CLIP2: variants seen among roughly 807,000 people sequenced by gnomAD.
CLIP2 encodes CAP-Gly domain-containing linker protein 2.
CLIP2 carries 41 observed loss-of-function variants against 111.7 expected under a neutral mutation model. That is an observed-to-expected ratio of 0.37 (90% confidence interval 0.29 to 0.48). CLIP2 has a LOEUF of 0.48. CLIP2 is among the 20% of genes least tolerant of loss of function. CLIP2 has a pLI of 0.99. For missense variants in CLIP2, 1,160 were observed against 1,422.1 expected (o/e 0.82, Z 2.96); for synonymous variants, 660 against 644.2 (o/e 1.02, Z -0.37).
intron 1 of CLIP2, among the ~76,000 whole-genome samples, chr7:74,309,177 C>T (rs1332242286): frequency 1.3e-5 from 2 of 151,216 alleles, no homozygotes; most frequent in Admixed American, 1.3e-4. Context: ...CCTCTCCCAT[C>T]TTAAGTGTAT....
intron 7 of CLIP2, among the ~76,000 whole-genome samples, chr7:74,361,208 C>CTT (rs1554309707): frequency 1.4e-3 from 191 of 132,348 alleles, no homozygotes; most frequent in African/African-American, 3.9e-3. Context: ...TCCTTCCTTC[C>CTT]CTCCCTCCCT....
chr7:74,346,930 T>C (rs928386692), intron 3 of CLIP2, among the ~76,000 whole-genome samples: 5 of 151,904 alleles, frequency 3.3e-5, no homozygotes, highest in Middle Eastern at 3.4e-3. Context: ...TCCCAACTAC[T>C]CAGGAGGCTG....
At chr7:74,383,071 C>A (rs1304744487) in intron 11 of CLIP2, among the ~76,000 whole-genome samples, 1 of 146,732 alleles carries the variant, frequency 6.8e-6, no homozygotes, top group Non-Finnish European at 1.5e-5. Flanking sequence ...TAGAGTGAGA[C>A]CCTGTCACCA....
Position 74,338,558 on chromosome 7 carries a change from G to C in CLIP2, c.232G>C (p.Asp78His). 1 of 1,590,950 alleles carries C rather than the reference G, an allele frequency of 6.3e-7. No individual in the cohort carries two copies. Among genetic ancestry groups the C allele is most frequent in the Non-Finnish European group, 8.5e-7 (1 of 1,169,900 alleles). ...GGAAGTGGGGGATGACTTCCTGGGG[G>C]ACTTTGTGGTGGGCGAGCGGGTGTG... ...AAEVGDDFLG[D>H]FVVGERVWVN... The change falls in exon 3 of 17, where the codon GAC becomes CAC. Residue 78 changes from aspartate (D) to histidine (H), a missense_variant. Transcript: ENST00000223398. This position sits in a 1 kb window ranked among gnomAD's most constrained non-coding sequence, Gnocchi z 4.3.
rs34044824 is a variant in CLIP2, at chr7:74,334,823, CAA to C, written c.122-3610_122-3609del. On this transcript the variant is annotated intron_variant, in intron 2 of 16. Transcript: ENST00000223398. ...GCAAAACCCCGTCTCTAATAAAATA[CAA>C]AAAAAAAAAAAAAATAGCCTGGTGT... Among the ~76,000 whole-genome samples the C allele has an allele frequency of 2.4e-3, 325 of 133,046 alleles. 1 individual carries two copies. Among genetic ancestry groups the C allele is most frequent in the African/African-American group, 8.9e-3 (304 of 34,134 alleles). The allele number at this position is 133,046 out of a possible 152,430, so 87.3% of individuals were successfully genotyped here. A position where few individuals can be genotyped will look rare whatever the true frequency, so the allele number is the denominator to read the frequency against.
Position 74,386,900 on chromosome 7 carries a change from G to A in CLIP2, c.2563+296G>A, listed in dbSNP as rs1017765592. On this transcript the variant is annotated intron_variant, in intron 12 of 16. Transcript: ENST00000223398. ...TAGCCGGGCATGGTGGCATGCACCTGTAATCCCAGCTACTCGGGAGGCTGA... is the reference window on the plus strand; with the variant it reads ...TAGCCGGGCATGGTGGCATGCACCTATAATCCCAGCTACTCGGGAGGCTGA... Among the ~76,000 whole-genome samples, 3 of 151,922 alleles carry A rather than the reference G, an allele frequency of 2.0e-5. No homozygotes were observed. In the East Asian group the frequency reaches 5.9e-4, roughly 30 times the overall value.
intron 3 of CLIP2, among the ~76,000 whole-genome samples, chr7:74,347,490 G>C (rs932655224): frequency 1.3e-5 from 2 of 152,064 alleles, no homozygotes; most frequent in Admixed American, 6.6e-5. Flanking sequence ...GGCTGGTCTC[G>C]ATCTCCTGAC....
intron 2 of CLIP2, among the ~76,000 whole-genome samples, chr7:74,322,666 C>T: frequency 6.6e-6 from 1 of 152,050 alleles, no homozygotes; most frequent in Non-Finnish European, 1.5e-5. Context: ...CCTTGACCTC[C>T]CAAAATTCTG....
At chr7:74,381,761 A>G (rs1289050059) in intron 11 of CLIP2, 2 of 338,562 alleles carry the variant, frequency 5.9e-6, no homozygotes, top group East Asian at 1.8e-4. Context: ...GGTACAGAAT[A>G]TTCCATTGTG....
In CLIP2 at chr7:74,338,733, A is replaced by G. The variant is rs1372021875; in HGVS notation, c.407A>G (p.Gln136Arg). Reference sequence around the variant, plus strand: ...CGCTACTTCGAGTGCCCGGCCCTCCAGGGTATCTTCACGCGGCCCTCCAAG... The same window carrying G: ...CGCTACTTCGAGTGCCCGGCCCTCCGGGGTATCTTCACGCGGCCCTCCAAG... ...GVRYFECPALQGIFTRPSKLT... is the reference protein window; with the variant it reads ...GVRYFECPALRGIFTRPSKLT... The change falls in exon 3 of 17, where the codon CAG becomes CGG. Residue 136 changes from glutamine (Q) to arginine (R), a missense_variant. Gln to Arg is a conservative substitution (Grantham distance 43). Around this residue, in one of 5 missense-constraint regions of CLIP2, gnomAD observed 301 missense variants for 315.2 expected, o/e 0.96. Coordinates refer to ENST00000223398, the MANE Select transcript of CLIP2 (RefSeq NM_003388.5). The surrounding 1 kb of genome is among the most constrained non-coding windows in gnomAD (Gnocchi z 4.3). The G allele has an allele frequency of 1.9e-6, 3 of 1,596,846 alleles. No individual in the cohort carries two copies. The highest frequency in any genetic ancestry group is 2.3e-5 in the East Asian group (1 of 44,084).
intron 6 of CLIP2, 87 bp from the exon 7 acceptor site, chr7:74,360,088 T>C: frequency 9.0e-7 from 1 of 1,109,170 alleles, no homozygotes; most frequent in Admixed American, 2.2e-5. Context: ...CAGGCCCTGC[T>C]CCTTGCCTGT....
At chr7:74,354,784 AAAT>A (rs1790102177) in intron 4 of CLIP2, among the ~76,000 whole-genome samples, 3 of 145,408 alleles carry the variant, frequency 2.1e-5, no homozygotes, top group Non-Finnish European at 4.4e-5. Context: ...AAATAATAAA[AAAT>A]AAATAAATAA....
rs190755936 is a variant in CLIP2 at position 74,363,618 on chromosome 7, C to T, written c.1320-637C>T. Among the ~76,000 whole-genome samples, 36 of 152,320 alleles carry T rather than the reference C, an allele frequency of 2.4e-4. No individual in the cohort carries two copies. The East Asian group carries it at 6.2e-3, about 26-fold the overall frequency. ...CAGTGTTGTCAGCTGGGCGCGGAGGCTCACGCCTGTAATCCCAGCACTTTG... is the reference window on the plus strand; with the variant it reads ...CAGTGTTGTCAGCTGGGCGCGGAGGTTCACGCCTGTAATCCCAGCACTTTG... On this transcript the variant is annotated intron_variant, in intron 7 of 16. Transcript: ENST00000223398.
At chr7:74,296,024 A>G (rs1554726062) in intron 1 of CLIP2, among the ~76,000 whole-genome samples, 3 of 150,452 alleles carry the variant, frequency 2.0e-5, no homozygotes. Flanking sequence ...TTTTATAGAG[A>G]TAATCAAGTT....
intron 14 of CLIP2, among the ~76,000 whole-genome samples, chr7:74,398,021 G>A (rs1177972280): frequency 3.3e-5 from 5 of 151,658 alleles, no homozygotes; most frequent in South Asian, 4.2e-4. Context: ...CTGCAGAGAC[G>A]GGTTGGGGTA....
chr7:74,386,265 C>T (rs868913503), intron 11 of CLIP2: 9 of 318,796 alleles, frequency 2.8e-5, no homozygotes, highest in South Asian at 6.3e-5. Flanking sequence ...TCTTGAACCC[C>T]CTGACCTCAG....
At position 74,356,489 on chromosome 7, in the gene CLIP2, C is replaced by G. The variant is rs1554308499; in HGVS notation, c.883C>G (p.Pro295Ala). 1.9e-6 allele frequency: 3 copies of G among 1,614,212 alleles called. No homozygotes were observed. The highest frequency in any genetic ancestry group is 3.3e-5 in the Admixed American group (2 of 60,010). ...CCGTATCGGCTTCCCATCTACCAGC[C>G]CAGCCAAGGCCAAGAAGACCAAGCG... is the stretch of plus-strand genomic sequence containing the variant. ...VIRIGFPSTS[P>A]AKAKKTKRMA... The change falls in exon 5 of 17, where the codon CCA (proline) becomes GCA (alanine). Residue 295 changes from proline to alanine, a missense_variant. By Grantham distance (27) the Pro-to-Ala change is conservative (BLOSUM62 -1). Transcript: ENST00000223398.
rs782192074 is a variant in CLIP2, at chr7:74,338,401, C to A, written c.122-47C>A. ...CTGTGCTCCTGGGGCCACCCAGGGG[C>A]CAGCCCTAACAGCCACCTCTTTCCC... On this transcript the variant is annotated intron_variant, in intron 2 of 16. Coordinates refer to ENST00000223398, the MANE Select transcript of CLIP2 (RefSeq NM_003388.5). This position sits in a 1 kb window ranked among gnomAD's most constrained non-coding sequence, Gnocchi z 4.3. 6.9e-6 allele frequency: 11 copies of A among 1,584,724 alleles called. No homozygotes were observed. The highest frequency in any genetic ancestry group is 1.8e-5 in the Admixed American group (1 of 55,840).
rs532644588 is a variant in CLIP2 at position 74,306,130 on chromosome 7, T to C, written c.-67-11350T>C. Among the ~76,000 whole-genome samples the C allele has an allele frequency of 1.4e-4, 21 of 152,234 alleles. No individual in the cohort carries two copies. In the East Asian group the frequency reaches 4.1e-3, roughly 29 times the overall value. ...TTCCTTTGCGGGATCCCAGACCCTC[T>C]GCCCCGCAGGTGCTGCCTGCCCAGG... On this transcript the variant is annotated intron_variant, in intron 1 of 16. Transcript: ENST00000223398.
Sources: allele counts gnomAD v4.1 joint callset (sites outside exome capture counted in the v4.1 genomes callset), GRCh38; gene constraint gnomAD v4.1.1; regional missense constraint gnomAD v4.1.1; non-coding constraint Gnocchi (gnomAD v3.1); transcripts MANE v1.5; gene names NCBI Gene and HGNC (gene_info 2026-07-23, HGNC 2026-07-21).